Variants in RABGAP1L observed in about 807,000 individuals in gnomAD.
RABGAP1L encodes the protein rab GTPase-activating protein 1-like.
RABGAP1L carries 63 observed loss-of-function variants against 137.7 expected under a neutral mutation model. The ratio of observed to expected loss-of-function variants is 0.46; its 90% CI spans 0.37 to 0.56. RABGAP1L has a LOEUF of 0.56. Ranked by LOEUF, RABGAP1L falls within the 20% of genes least tolerant of loss-of-function variation. RABGAP1L has a pLI of 0.00. For missense variants in RABGAP1L, 1,095 were observed against 1,244.0 expected, an observed-to-expected ratio of 0.88 and a Z score of 1.80; for synonymous variants, 431 against 433.7, an observed-to-expected ratio of 0.99 and a Z score of 0.08.
At chr1:174,810,412 G>T (rs1276063027) in intron 18 of RABGAP1L, among the ~76,000 whole-genome samples, 3 of 152,188 alleles carry the variant, frequency 2.0e-5, no homozygotes, top group Non-Finnish European at 4.4e-5. Context: ...GCTAGGATTG[G>T]ACTACATGTC....
rs190743738 is a variant in RABGAP1L at position 174,171,096 on chromosome 1, C to T, written c.-34+11439C>T. On this transcript the variant is annotated intron_variant, in intron 1 of 25. Transcript: ENST00000681986. ...TATTATAAAAAGTGGATCAGATGAT[C>T]TCTAGCAGCCTGAATTCTTTCTGCA... 2.8e-4 allele frequency among the ~76,000 whole-genome samples: 42 copies of T among 152,234 alleles called. 3 individuals are homozygous for T. In the East Asian group the frequency reaches 3.7e-3, roughly 13 times the overall value.
chr1:174,274,372 G>A (rs1168296669), intron 8 of RABGAP1L, among the ~76,000 whole-genome samples: 1 of 152,082 alleles, frequency 6.6e-6, no homozygotes, highest in East Asian at 1.9e-4. Context: ...AGATTATAAT[G>A]TATTTTTACT....
chr1:174,909,178 CAAA>C (rs200560738), intron 19 of RABGAP1L, among the ~76,000 whole-genome samples: 5 of 107,308 alleles, frequency 4.7e-5, no homozygotes, highest in African/African-American at 1.1e-4. Flanking sequence ...GACTCTATCT[CAAA>C]AAAAAAAAAA....
chr1:174,579,413 C>T (rs544491987), intron 13 of RABGAP1L, among the ~76,000 whole-genome samples: 106 of 152,208 alleles, frequency 7.0e-4, no homozygotes, highest in African/African-American at 2.4e-3. Context: ...GGGCTTTAGT[C>T]CATTGTGAAT....
At chr1:174,774,231 G>A (rs551663487) in intron 18 of RABGAP1L, among the ~76,000 whole-genome samples, 52 of 152,250 alleles carry the variant, frequency 3.4e-4, no homozygotes, top group African/African-American at 1.2e-3. Flanking sequence ...AGAGAATTTG[G>A]TTTTGGTAAA....
At chr1:174,615,093 C>G (rs1216373142) in intron 13 of RABGAP1L, among the ~76,000 whole-genome samples, 1 of 152,226 alleles carries the variant, frequency 6.6e-6, no homozygotes, top group Non-Finnish European at 1.5e-5. Flanking sequence ...AAGTCATTCT[C>G]CATCCTGCTT....
At chr1:174,494,552 GT>G (rs1660572090) in intron 13 of RABGAP1L, among the ~76,000 whole-genome samples, 1 of 152,100 alleles carries the variant, frequency 6.6e-6, no homozygotes, top group Non-Finnish European at 1.5e-5. Context: ...ATCATTAATT[GT>G]TTTGCCTCCT....
intron 10 of RABGAP1L, among the ~76,000 whole-genome samples, chr1:174,304,405 C>T (rs935637574): frequency 1.1e-4 from 16 of 150,872 alleles, no homozygotes; most frequent in South Asian, 4.2e-4. Context: ...TAAAATGATT[C>T]GATTTGCTAA....
intron 18 of RABGAP1L, among the ~76,000 whole-genome samples, chr1:174,781,038 A>G (rs1686962655): frequency 6.6e-6 from 1 of 152,134 alleles, no homozygotes; most frequent in African/African-American, 2.4e-5. Flanking sequence ...ATACATGTGC[A>G]TGTATCCTTA....
At chr1:174,962,205 C>CT (rs1553295730) in intron 20 of RABGAP1L, among the ~76,000 whole-genome samples, 1 of 136,732 alleles carries the variant, frequency 7.3e-6, no homozygotes, top group Non-Finnish European at 1.6e-5. Context: ...CACCCCCCCC[C>CT]CACACACACA....
At chr1:174,512,458 G>A (rs756222309) in intron 13 of RABGAP1L, among the ~76,000 whole-genome samples, 4 of 152,152 alleles carry the variant, frequency 2.6e-5, no homozygotes, top group South Asian at 4.1e-4. Flanking sequence ...AAATAGGAAC[G>A]TAAGGAAGAT....
intron 10 of RABGAP1L, among the ~76,000 whole-genome samples, chr1:174,291,894 T>G (rs1676645169): frequency 6.6e-6 from 1 of 151,664 alleles, no homozygotes; most frequent in African/African-American, 2.4e-5. Flanking sequence ...AGATTTCGGG[T>G]GGTTTGATTT....
intron 17 of RABGAP1L, among the ~76,000 whole-genome samples, chr1:174,741,855 C>CCA (rs1194561291): frequency 4.8e-5 from 2 of 41,896 alleles, no homozygotes; most frequent in Admixed American, 3.8e-4. Flanking sequence ...CCTATTTCTA[C>CCA]AAAAAAAAAA....
chr1:174,349,452 T>TGGG (rs1682834263), intron 11 of RABGAP1L, among the ~76,000 whole-genome samples: 1 of 44,752 alleles, frequency 2.2e-5, no homozygotes, highest in Non-Finnish European at 4.3e-5. Flanking sequence ...TGGCCGGGCG[T>TGGG]GGGGCTGACC....
At chr1:174,676,534 G>A (rs972047019) in intron 14 of RABGAP1L, among the ~76,000 whole-genome samples, 5 of 152,160 alleles carry the variant, frequency 3.3e-5, no homozygotes, top group Non-Finnish European at 1.5e-5. Context: ...ATATTTTAAC[G>A]TTTGGAGTTT....
Position 174,989,757 on chromosome 1 carries a change from C to T in RABGAP1L, c.3004-92C>T, listed in dbSNP as rs147270964. On this transcript the variant is annotated intron_variant, in intron 25 of 25. Coordinates refer to ENST00000681986, the MANE Select transcript of RABGAP1L (RefSeq NM_001366446.1). ...GTGGGAGGAAAATTGGCAGCACATA[C>T]CTTGAGACTCCAAAAAGCTGCACAC... is the stretch of plus-strand genomic sequence containing the variant. 2.1e-6 allele frequency: 3 copies of T among 1,395,996 alleles called. No individual in the cohort carries two copies. The East Asian group carries it at 7.5e-5, about 35-fold the overall frequency. The allele number at this position is 1,395,996 out of a possible 1,614,324, so 86.5% of individuals were successfully genotyped here. A position where few individuals can be genotyped will look rare whatever the true frequency, so the allele number is the denominator to read the frequency against.
Position 174,683,611 on chromosome 1 carries a change from G to C in RABGAP1L, c.1899+15G>C, listed in dbSNP as rs376749626. 1 of 1,584,860 alleles carries C rather than the reference G, an allele frequency of 6.3e-7. No individual in the cohort carries two copies. The highest frequency in any genetic ancestry group is 8.7e-7 in the Non-Finnish European group (1 of 1,154,134). On this transcript the variant is annotated intron_variant, in intron 15 of 25. Coordinates refer to ENST00000681986, the MANE Select transcript of RABGAP1L (RefSeq NM_001366446.1). ...TACTGCTGCATGTAAGTAATGGTCCGTGTGATAAATAGCACAGTGCTGCCA... is the reference window on the plus strand; with the variant it reads ...TACTGCTGCATGTAAGTAATGGTCCCTGTGATAAATAGCACAGTGCTGCCA...
intron 1 of RABGAP1L, among the ~76,000 whole-genome samples, chr1:174,195,194 A>T (rs1667480569): frequency 6.6e-6 from 1 of 152,174 alleles, no homozygotes; most frequent in African/African-American, 2.4e-5. Flanking sequence ...TTAAGGGTTG[A>T]TCCATTATAA....
intron 4 of RABGAP1L, among the ~76,000 whole-genome samples, chr1:174,236,689 CTA>C (rs1671207231): frequency 1.6e-5 from 2 of 126,936 alleles, no homozygotes; most frequent in Non-Finnish European, 1.7e-5. Flanking sequence ...TTACTTCCAA[CTA>C]TGTGGTCAAT....
Sources: gnomAD v4.1 joint callset for allele counts (sites outside exome capture counted in the v4.1 genomes callset) on GRCh38, gnomAD v4.1.1 for gene constraint, MANE v1.5 for transcripts, NCBI Gene and HGNC (gene_info 2026-07-23, HGNC 2026-07-21) for gene names.